MPP2: variants seen among roughly 807,000 people sequenced by gnomAD.
MPP2 encodes the protein MAGUK p55 subfamily member 2.
MPP2 carries 42 observed loss-of-function variants against 58.5 expected under a neutral mutation model. The observed-to-expected ratio is 0.72, with a 90% CI of 0.56 to 0.93. The LOEUF (loss-of-function observed/expected upper bound fraction) is 0.93. Ranked by LOEUF, MPP2 falls within the 40% of genes least tolerant of loss-of-function variation. The probability of loss-of-function intolerance (pLI) is 0.00; values close to 1 mark genes in which losing one functional copy is unlikely to be tolerated. For missense variants in MPP2, 632 were observed against 760.4 expected (o/e 0.83, Z 1.99); for synonymous variants, 300 against 307.8 (o/e 0.97, Z 0.26).
At chr17:43,895,429 T>C (rs1259202896) in intron 3 of MPP2, among the ~76,000 whole-genome samples, 1 of 152,224 alleles carries the variant, frequency 6.6e-6, no homozygotes, top group African/African-American at 2.4e-5. Context: ...TACTTTTTAT[T>C]TCTTAAGAAG....
At chr17:43,900,160 G>A (rs1405667553) in intron 2 of MPP2, among the ~76,000 whole-genome samples, 3 of 152,318 alleles carry the variant, frequency 2.0e-5, no homozygotes, top group Admixed American at 1.3e-4. Context: ...AAAAGTGCAA[G>A]CTTGCCCTTC....
At chr17:43,884,200 A>G (rs1482865143) in intron 3 of MPP2, 5 of 688,952 alleles carry the variant, frequency 7.3e-6, no homozygotes, top group African/African-American at 1.8e-5. Flanking sequence ...TATGTAAGAC[A>G]GTCCACATTC....
chr17:43,895,457 A>G (rs1169312780), intron 3 of MPP2, among the ~76,000 whole-genome samples: 1 of 152,154 alleles, frequency 6.6e-6, no homozygotes, highest in Non-Finnish European at 1.5e-5. Context: ...AAGAGTCAAA[A>G]CAAACATTAT....
At chr17:43,901,275 C>A (rs770705352) in intron 2 of MPP2, 167 of 985,350 alleles carry the variant, frequency 1.7e-4, no homozygotes, top group Non-Finnish European at 2.0e-4. Flanking sequence ...GTGCCCCAGC[C>A]CTGCTTACCC....
chr17:43,884,822 T>C (rs758481632), intron 3 of MPP2, among the ~76,000 whole-genome samples: 3 of 152,132 alleles, frequency 2.0e-5, no homozygotes, highest in Non-Finnish European at 4.4e-5. Context: ...CATTCTGCTA[T>C]AAGAATGAGC....
At chr17:43,895,028 C>A (rs2047786413) in intron 3 of MPP2, among the ~76,000 whole-genome samples, 1 of 152,142 alleles carries the variant, frequency 6.6e-6, no homozygotes, top group African/African-American at 2.4e-5. Flanking sequence ...TGACATCAAT[C>A]TCTAGGCAGT....
chr17:43,890,637 A>G (rs2047566276), intron 3 of MPP2, among the ~76,000 whole-genome samples: 1 of 152,244 alleles, frequency 6.6e-6, no homozygotes, highest in African/African-American at 2.4e-5. Context: ...CAGAAAGTAA[A>G]GGAACTCTTT....
At position 43,881,602 on chromosome 17, in the gene MPP2, A is replaced by G. The variant is rs2047124162; in HGVS notation, c.682-13T>C. 1 of 1,612,744 alleles carries G rather than the reference A, an allele frequency of 6.2e-7. No homozygotes were observed. On this transcript the variant is annotated splice_polypyrimidine_tract_variant and intron_variant, in intron 6 of 12. Coordinates refer to ENST00000269095, the MANE Select transcript of MPP2 (RefSeq NM_005374.5). Reference sequence around the variant, plus strand: ...ATTTCACAAATACCTGGGCCCAGGAATCAGCAAAGGGTCGGGGGAAGGGTC... The same window carrying G: ...ATTTCACAAATACCTGGGCCCAGGAGTCAGCAAAGGGTCGGGGGAAGGGTC...
intron 2 of MPP2, chr17:43,901,423 C>T: frequency 1.3e-5 from 13 of 985,504 alleles, no homozygotes; most frequent in Non-Finnish European, 1.6e-5. Context: ...CACATTTGCA[C>T]ACAGGGAAAA....
rs760904479 is a variant in MPP2, at chr17:43,880,640, G to A, written c.1150+51C>T. On this transcript the variant is annotated intron_variant, in intron 10 of 12. Transcript: ENST00000269095. The surrounding 1 kb of genome is among the most constrained non-coding windows in gnomAD (Gnocchi z 5.2). ...TTCGGTGGGCCCAGCCCTGGCCCCAGGGGAGCCCTGCTCCTTGTCCCCAAC... is the reference window on the plus strand; with the variant it reads ...TTCGGTGGGCCCAGCCCTGGCCCCAAGGGAGCCCTGCTCCTTGTCCCCAAC... 1.3e-6 allele frequency: 2 copies of A among 1,545,904 alleles called. No homozygotes were observed. The highest frequency in any genetic ancestry group is 2.3e-5 in the East Asian group (1 of 43,938).
intron 3 of MPP2, among the ~76,000 whole-genome samples, chr17:43,886,342 T>G (rs1015726984): frequency 2.6e-5 from 4 of 151,304 alleles, no homozygotes; most frequent in African/African-American, 9.7e-5. Context: ...TGGAGTGCAG[T>G]GGCGCGATCT....
chr17:43,898,639 AG>A (rs2047956902), intron 2 of MPP2, among the ~76,000 whole-genome samples: 1 of 152,204 alleles, frequency 6.6e-6, no homozygotes, highest in Non-Finnish European at 1.5e-5. Flanking sequence ...GGGAGGCTCC[AG>A]GCAGCTGGAA....
At chr17:43,893,874 CTCTA>C (rs2047707852) in intron 3 of MPP2, among the ~76,000 whole-genome samples, 1 of 152,190 alleles carries the variant, frequency 6.6e-6, no homozygotes, top group South Asian at 2.1e-4. Flanking sequence ...ATCTCCCTAT[CTCTA>C]TCTATATCTA....
intron 3 of MPP2, among the ~76,000 whole-genome samples, chr17:43,896,558 T>G (rs1338300745): frequency 6.6e-6 from 1 of 151,868 alleles, no homozygotes; most frequent in African/African-American, 2.4e-5. Flanking sequence ...TGGGCCTCTT[T>G]TCTCTGAGCC....
chr17:43,881,710 G>A, intron 6 of MPP2, 121 bp from the exon 7 acceptor site: 1 of 1,316,582 alleles, frequency 7.6e-7, no homozygotes, highest in Non-Finnish European at 1.0e-6. Flanking sequence ...CCCCCTGCAG[G>A]AGTGATGCCT....
At chr17:43,878,416 AG>A (rs2046944258) in intron 12 of MPP2, among the ~76,000 whole-genome samples, 1 of 152,188 alleles carries the variant, frequency 6.6e-6, no homozygotes, top group African/African-American at 2.4e-5. Flanking sequence ...GGCTGGTACC[AG>A]GGCAATCCAC....
chr17:43,892,360 A>G (rs1445611883), intron 3 of MPP2, among the ~76,000 whole-genome samples: 2 of 152,232 alleles, frequency 1.3e-5, no homozygotes, highest in African/African-American at 4.8e-5. Flanking sequence ...CTTTGATCAC[A>G]GTGCTTTGTC....
chr17:43,901,026 A>C (rs1256763027), intron 2 of MPP2, among the ~76,000 whole-genome samples: 1 of 151,532 alleles, frequency 6.6e-6, no homozygotes, highest in Non-Finnish European at 1.5e-5. Context: ...ACCCCATGCC[A>C]CCTCCTCCCT....
At chr17:43,907,643 C>T (rs1195802480), upstream of MPP2, 2 of 985,640 alleles carry the variant, frequency 2.0e-6, no homozygotes, top group South Asian at 4.7e-5. Flanking sequence ...CGGCACAACT[C>T]GGAGGAAGTA....
Sources: gnomAD v4.1 joint callset for allele counts (sites outside exome capture counted in the v4.1 genomes callset) on GRCh38, gnomAD v4.1.1 for gene constraint, Gnocchi (gnomAD v3.1) non-coding constraint, MANE v1.5 for transcripts, NCBI Gene and HGNC (gene_info 2026-07-23, HGNC 2026-07-21) for gene names.